The following EDA variants were observed in gnomAD, a reference collection of about 807,000 sequenced individuals.
The protein encoded by EDA is ectodysplasin A.
In EDA, 2 loss-of-function variants were observed where a neutral mutation model predicts 23.6. The ratio of observed to expected loss-of-function variants is 0.08; its 90% CI spans 0.03 to 0.27. The LOEUF (loss-of-function observed/expected upper bound fraction) is 0.27. Ranked by LOEUF, EDA falls within the 10% of genes least tolerant of loss-of-function variation. The pLI is 1.00. For synonymous variants in EDA, 131 were observed against 132.0 expected (o/e 0.99, Z 0.05); for missense variants, 229 against 324.2 (o/e 0.71, Z 2.26).
intron 1 of EDA, among the ~76,000 whole-genome samples, chrX:69,833,020 A>G (rs1292868369): frequency 9.0e-6 from 1 of 111,412 alleles, no homozygotes; most frequent in Non-Finnish European, 1.9e-5. Context: ...TCCTAATTGA[A>G]TACCCTTTAT....
At chrX:70,029,458 G>C (rs1285355433) in intron 4 of EDA, 46 bp from the exon 5 acceptor site, 1 of 1,198,248 alleles carries the variant, frequency 8.3e-7, no homozygotes, top group Admixed American at 2.2e-5. Flanking sequence ...AGGGGAAAAG[G>C]AAGTCAAAAG....
At chrX:69,724,832 ATTAC>A (rs1275996417) in intron 1 of EDA, among the ~76,000 whole-genome samples, 11 of 112,051 alleles carry the variant, frequency 9.8e-5, no homozygotes, top group Admixed American at 9.5e-5. Flanking sequence ...AAGTGAACAA[ATTAC>A]TTCTGTGAAA....
chrX:69,995,126 A>G (rs747389671), intron 2 of EDA, among the ~76,000 whole-genome samples: 1 of 112,117 alleles, frequency 8.9e-6, no homozygotes, highest in Non-Finnish European at 1.9e-5. Flanking sequence ...TGGAAAGCCA[A>G]AATCCCTGCT....
At position 69,730,808 on chromosome X, in the gene EDA, G is replaced by T. The variant is rs191681689; in HGVS notation, c.396+114104G>T. Among the ~76,000 whole-genome samples, 63 of 112,321 alleles carry T rather than the reference G, an allele frequency of 5.6e-4. No individual in the cohort carries two copies. In the Middle Eastern group the frequency reaches 0.014, roughly 25 times the overall value. On this transcript the variant is annotated intron_variant, in intron 1 of 7. Transcript: ENST00000374552. ...TTACACTTAGCTTATTATCTTCATTGCTTTATGTAAGATAGTACTACTGAA... is the reference window on the plus strand; with the variant it reads ...TTACACTTAGCTTATTATCTTCATTTCTTTATGTAAGATAGTACTACTGAA...
chrX:69,717,484 C>G (rs1038998225), intron 1 of EDA, among the ~76,000 whole-genome samples: 1 of 105,566 alleles, frequency 9.5e-6, no homozygotes, highest in African/African-American at 3.4e-5. Flanking sequence ...TGATATGGTT[C>G]GGGTCTGTGT....
intron 1 of EDA, among the ~76,000 whole-genome samples, chrX:69,888,719 GA>G (rs1225626535): frequency 5.6e-5 from 6 of 106,314 alleles, no homozygotes; most frequent in African/African-American, 2.0e-4. Flanking sequence ...ATTATATAAT[GA>G]AAAAAGGGGT....
intron 1 of EDA, among the ~76,000 whole-genome samples, chrX:69,636,035 G>T (rs1034779731): frequency 2.7e-5 from 3 of 110,205 alleles, no homozygotes; most frequent in African/African-American, 6.6e-5. Flanking sequence ...TCCTGTCACT[G>T]CACTTAACTA....
chrX:69,710,130 G>A (rs1161582050), intron 1 of EDA, among the ~76,000 whole-genome samples: 1 of 111,080 alleles, frequency 9.0e-6, no homozygotes, highest in Non-Finnish European at 1.9e-5. Flanking sequence ...ATGGTTTTAG[G>A]TCTAACATTT....
chrX:69,625,951 G>T (rs1932367995), intron 1 of EDA, among the ~76,000 whole-genome samples: 1 of 110,275 alleles, frequency 9.1e-6, no homozygotes, highest in African/African-American at 3.3e-5. Context: ...ATTTACAAAG[G>T]ATTCTTGGAA....
intron 3 of EDA, among the ~76,000 whole-genome samples, chrX:70,026,619 C>T (rs760569614): frequency 2.7e-5 from 3 of 111,549 alleles, no homozygotes; most frequent in Non-Finnish European, 3.8e-5. Flanking sequence ...GCTTAAACTG[C>T]CACAAGAGGG....
At chrX:69,682,900 T>C (rs1821766240) in intron 1 of EDA, among the ~76,000 whole-genome samples, 1 of 111,649 alleles carries the variant, frequency 9.0e-6, no homozygotes, top group African/African-American at 3.3e-5. Context: ...TCCTTGAGTT[T>C]AGTGTTTATC....
At chrX:69,861,568 C>G (rs969759099) in intron 1 of EDA, among the ~76,000 whole-genome samples, 64 of 111,422 alleles carry the variant, frequency 5.7e-4, no homozygotes, top group African/African-American at 2.0e-3. Context: ...TGTAAATGGA[C>G]TAAATTCTCT....
chrX:69,888,978 T>TTATATATATA (rs935436674), intron 1 of EDA, among the ~76,000 whole-genome samples: 497 of 15,917 alleles, frequency 0.031, 32 homozygotes, highest in African/African-American at 0.034. Context: ...TGTGGGGTAG[T>TTATATATATA]TATATATATA....
chrX:69,882,072 G>A (rs1253166670), intron 1 of EDA, among the ~76,000 whole-genome samples: 2 of 111,704 alleles, frequency 1.8e-5, no homozygotes, highest in African/African-American at 6.5e-5. Flanking sequence ...CTCAACTGCT[G>A]TGATGCCTGA....
intron 1 of EDA, among the ~76,000 whole-genome samples, chrX:69,820,339 G>A (rs186579849): frequency 8.9e-6 from 1 of 112,042 alleles, no homozygotes; most frequent in East Asian, 2.8e-4. Flanking sequence ...CACGGGTAAA[G>A]ATTTCATAAC....
chrX:69,753,648 C>CGTT (rs2013984103), intron 1 of EDA, among the ~76,000 whole-genome samples: 1 of 109,925 alleles, frequency 9.1e-6, no homozygotes, highest in Non-Finnish European at 1.9e-5. Context: ...CTTTCTGTCT[C>CGTT]GATCTGTTTA....
intron 1 of EDA, among the ~76,000 whole-genome samples, chrX:69,841,920 A>C (rs761493362): frequency 8.9e-6 from 1 of 112,056 alleles, no homozygotes; most frequent in Non-Finnish European, 1.9e-5. Context: ...GAAAAGTATA[A>C]AATTTTCCAC....
intron 2 of EDA, among the ~76,000 whole-genome samples, chrX:69,966,504 G>A (rs890443103): frequency 1.3e-4 from 14 of 108,294 alleles, no homozygotes; most frequent in South Asian, 1.3e-3. Flanking sequence ...GCTTGTACCC[G>A]GGAGGTGGAG....
chrX:69,806,758 G>A (rs948705914), intron 1 of EDA, among the ~76,000 whole-genome samples: 4 of 109,946 alleles, frequency 3.6e-5, no homozygotes, highest in African/African-American at 9.9e-5. Flanking sequence ...AGATGGTAGG[G>A]GGTAAGAGAG....
Sources: allele counts gnomAD v4.1 joint callset (sites outside exome capture counted in the v4.1 genomes callset), GRCh38; gene constraint gnomAD v4.1.1; transcripts MANE v1.5; gene names NCBI Gene and HGNC (gene_info 2026-07-23, HGNC 2026-07-21).